The following OVCH1 variants were observed in gnomAD, a reference collection of about 807,000 sequenced individuals.
OVCH1 encodes ovochymase-1.
Under a neutral mutation model 138.4 loss-of-function variants are expected in OVCH1, and 139 were observed. The ratio of observed to expected loss-of-function variants is 1.00; its 90% CI spans 0.87 to 1.16. The LOEUF (loss-of-function observed/expected upper bound fraction) is 1.16. Ranked by LOEUF, OVCH1 falls within the 50% of genes most tolerant of loss-of-function variation. The probability of loss-of-function intolerance (pLI) is 0.00; values close to 1 mark genes in which losing one functional copy is unlikely to be tolerated. For missense variants in OVCH1, 1,367 were observed against 1,357.9 expected (o/e 1.01, Z -0.11); for synonymous variants, 453 against 467.8 (o/e 0.97, Z 0.41).
At chr12:29,442,508 A>G (rs1941512855) in intron 25 of OVCH1, among the ~76,000 whole-genome samples, 1 of 148,876 alleles carries the variant, frequency 6.7e-6, no homozygotes, top group South Asian at 2.2e-4. Flanking sequence ...GCTTTAGGAG[A>G]TATACCTAAT....
At chr12:29,471,736 T>G (rs781014729) in intron 16 of OVCH1, 66 bp downstream of exon 16, 168 of 1,458,820 alleles carry the variant, frequency 1.2e-4, no homozygotes, top group Non-Finnish European at 1.5e-4. Context: ...TAGTCAGCCT[T>G]GTGTCCTAGG....
In OVCH1 at chr12:29,444,207, A is replaced by G. The variant is rs776046985; in HGVS notation, c.2955T>C (p.Val985=). The G allele has an allele frequency of 1.9e-6, 3 of 1,612,564 alleles. No homozygotes were observed. In the Admixed American group the frequency reaches 5.0e-5, roughly 27 times the overall value. ...TGATCCCTTCTGGCTTGGTCAGAAG[A>G]ACATCCTCACAAGGGACCAAGTGCT... is the stretch of plus-strand genomic sequence containing the variant. The change falls in exon 24 of 28, where the codon GTT becomes GTC. Residue 985 remains valine (V), a synonymous_variant. Coordinates refer to ENST00000318184, the Ensembl canonical transcript of OVCH1.
chr12:29,431,653 G>GA (rs1238015738), intron 27 of OVCH1, among the ~76,000 whole-genome samples: 1 of 151,838 alleles, frequency 6.6e-6, no homozygotes, highest in Admixed American at 6.6e-5. Context: ...TATTCACATA[G>GA]ACATATCATA....
chr12:29,415,572 A>G (rs984324425), intron 3 of OVCH1, among the ~76,000 whole-genome samples: 1 of 152,230 alleles, frequency 6.6e-6, no homozygotes, highest in African/African-American at 2.4e-5. Context: ...AATGAAGACA[A>G]TGCAATACTT....
intron 26 of OVCH1, among the ~76,000 whole-genome samples, chr12:29,437,363 T>C (rs540390043): frequency 6.6e-6 from 1 of 152,294 alleles, no homozygotes; most frequent in South Asian, 2.1e-4. Flanking sequence ...TTATTGTACT[T>C]AATAATTTTT....
chr12:29,454,172 G>A (rs1337563955), intron 21 of OVCH1, among the ~76,000 whole-genome samples: 1 of 151,906 alleles, frequency 6.6e-6, no homozygotes, highest in African/African-American at 2.4e-5. Flanking sequence ...CTCCTTTTGG[G>A]TACTAGATCT....
At chr12:29,445,014 C>T (rs1941576185) in intron 23 of OVCH1, among the ~76,000 whole-genome samples, 1 of 152,032 alleles carries the variant, frequency 6.6e-6, no homozygotes, top group South Asian at 2.1e-4. Flanking sequence ...ATTGCAACCA[C>T]AGAAAAAAGT....
At position 29,454,939 on chromosome 12, in the gene OVCH1, T is replaced by A; in HGVS notation, c.2438-6A>T. On this transcript the variant is annotated splice_region_variant and splice_polypyrimidine_tract_variant and intron_variant, in intron 20 of 27. Transcript: ENST00000318184. ...TGTCTGAAGTGAAGCAGGACCTGTA[T>A]TTGGGGAGAACATGTTAAAAATAAA... 6.3e-7 allele frequency: 1 copy of A among 1,597,534 alleles called. No homozygotes were observed. Among genetic ancestry groups the A allele is most frequent in the Non-Finnish European group, 8.6e-7 (1 of 1,166,794 alleles).
At chr12:29,490,395 A>T (rs1225361637) in intron 5 of OVCH1, among the ~76,000 whole-genome samples, 2 of 152,190 alleles carry the variant, frequency 1.3e-5, no homozygotes, top group African/African-American at 2.4e-5. Flanking sequence ...TTATTTATAA[A>T]ATAAAAAATC....
At chr12:29,487,535 G>T in intron 7 of OVCH1, 158 bp downstream of exon 7, 2 of 638,232 alleles carry the variant, frequency 3.1e-6, no homozygotes, top group Non-Finnish European at 5.0e-6. Flanking sequence ...ACAGATTTCT[G>T]TACTCAGGGT....
intron 19 of OVCH1, among the ~76,000 whole-genome samples, chr12:29,456,940 AT>A (rs1941968514): frequency 6.6e-6 from 1 of 152,350 alleles, no homozygotes; most frequent in Admixed American, 6.5e-5. Context: ...ACACAAATGT[AT>A]TTAGGACCAA....
chr12:29,418,184 T>C (rs756684336), intron 3 of OVCH1, among the ~76,000 whole-genome samples: 33 of 152,340 alleles, frequency 2.2e-4, no homozygotes, highest in Non-Finnish European at 4.0e-4. Context: ...CTAAATAACC[T>C]GCCCAAGATT....
At chr12:29,427,685 G>A in intron 27 of OVCH1, 3 of 1,543,314 alleles carry the variant, frequency 1.9e-6, no homozygotes, top group Middle Eastern at 1.7e-4. Context: ...AAACCACTCA[G>A]TCTATGGTAT....
chr12:29,436,496 C>CA (rs1178545364), intron 26 of OVCH1, among the ~76,000 whole-genome samples: 4 of 152,122 alleles, frequency 2.6e-5, no homozygotes, highest in Non-Finnish European at 5.9e-5. Context: ...ATAAATTTCT[C>CA]ACTCAGCTCA....
intron 23 of OVCH1, 65 bp from the exon 24 acceptor site, chr12:29,444,345 T>G: frequency 6.8e-7 from 1 of 1,463,870 alleles, no homozygotes; most frequent in Non-Finnish European, 9.3e-7. Flanking sequence ...CCTATATGCC[T>G]TTTCAGATCA....
chr12:29,449,235 G>T (rs1157427751), intron 22 of OVCH1, among the ~76,000 whole-genome samples: 1 of 137,886 alleles, frequency 7.3e-6, no homozygotes, highest in Non-Finnish European at 1.6e-5. Context: ...GTTCCACTAT[G>T]TTTGAAGAAG....
At chr12:29,437,607 C>T (rs1198479249) in intron 26 of OVCH1, among the ~76,000 whole-genome samples, 1 of 152,076 alleles carries the variant, frequency 6.6e-6, no homozygotes, top group Non-Finnish European at 1.5e-5. Context: ...ATCAAGGATC[C>T]TAAGAACTAG....
At chr12:29,481,615 A>G (rs993902508) in intron 8 of OVCH1, among the ~76,000 whole-genome samples, 1 of 152,150 alleles carries the variant, frequency 6.6e-6, no homozygotes, top group Non-Finnish European at 1.5e-5. Context: ...CCTCTTTTCA[A>G]TGCCAAACCT....
chr12:29,492,567 C>T (rs1437548104), intron 4 of OVCH1, among the ~76,000 whole-genome samples: 2 of 151,996 alleles, frequency 1.3e-5, no homozygotes, highest in Non-Finnish European at 2.9e-5. Context: ...TAAAATTAAC[C>T]CAGGCAAGAC....
Sources: allele counts gnomAD v4.1 joint callset (sites outside exome capture counted in the v4.1 genomes callset), GRCh38; gene constraint gnomAD v4.1.1; transcripts MANE v1.5; gene names NCBI Gene and HGNC (gene_info 2026-07-23, HGNC 2026-07-21).